Variants in ATP8A2 observed in about 807,000 individuals in gnomAD.
ATP8A2 encodes phospholipid-transporting ATPase IB.
A neutral mutation model predicts 165.6 loss-of-function variants in ATP8A2; 100 were observed. The ratio of observed to expected loss-of-function variants is 0.60; its 90% CI spans 0.51 to 0.71. The LOEUF (loss-of-function observed/expected upper bound fraction) is 0.71, where lower values mean the gene tolerates loss of function less well. ATP8A2 is among the 30% of genes least tolerant of loss of function. The pLI is 0.00. For synonymous variants in ATP8A2, 543 were observed against 548.8 expected (o/e 0.99, Z 0.15); for missense variants, 1,227 against 1,479.5 (o/e 0.83, Z 2.80).
At chr13:25,496,598 C>T (rs2137671586) in intron 2 of ATP8A2, among the ~76,000 whole-genome samples, 1 of 152,206 alleles carries the variant, frequency 6.6e-6, no homozygotes, top group South Asian at 2.1e-4. Context: ...ACATGATGAG[C>T]ATAGTGCCCA....
intron 1 of ATP8A2, among the ~76,000 whole-genome samples, chr13:25,463,275 A>G (rs1248817824): frequency 6.6e-6 from 1 of 152,002 alleles, no homozygotes; most frequent in African/African-American, 2.4e-5. Context: ...TTTCTGTGTT[A>G]CTTAAGGCAA....
At chr13:25,684,397 A>G (rs2042558889) in intron 24 of ATP8A2, among the ~76,000 whole-genome samples, 1 of 152,206 alleles carries the variant, frequency 6.6e-6, no homozygotes, top group Non-Finnish European at 1.5e-5. Flanking sequence ...GGAAGTGTTG[A>G]TCTCAAGACA....
intron 30 of ATP8A2, among the ~76,000 whole-genome samples, chr13:25,858,915 C>T (rs984415344): frequency 6.6e-6 from 1 of 152,018 alleles, no homozygotes; most frequent in Non-Finnish European, 1.5e-5. Context: ...AAAAACTACC[C>T]ATTGGGATGC....
chr13:25,536,768 A>T (rs1260103555), intron 6 of ATP8A2, among the ~76,000 whole-genome samples: 2 of 152,232 alleles, frequency 1.3e-5, no homozygotes, highest in Non-Finnish European at 1.5e-5. Flanking sequence ...ATCGTCAGAG[A>T]ATTCTAATGT....
chr13:25,543,196 G>T, intron 9 of ATP8A2, 95 bp from the exon 10 acceptor site: 1 of 721,916 alleles, frequency 1.4e-6, no homozygotes, highest in South Asian at 2.2e-5. Flanking sequence ...GGAGGAAAGG[G>T]AACATTTGAT....
intron 24 of ATP8A2, among the ~76,000 whole-genome samples, chr13:25,666,083 A>G (rs1243242609): frequency 1.3e-5 from 2 of 151,986 alleles, no homozygotes; most frequent in Non-Finnish European, 2.9e-5. Flanking sequence ...GTTTACTTTC[A>G]TGTATTCAAG....
At position 25,861,006 on chromosome 13, in the gene ATP8A2, A is replaced by G. The variant is rs1403544719; in HGVS notation, c.3075+146A>G. The G allele has an allele frequency of 1.7e-5, 11 of 652,908 alleles. No homozygotes were observed. The Middle Eastern group carries it at 1.0e-3, about 61-fold the overall frequency. 40.4% of individuals were successfully genotyped at this position (652,908 alleles called of 1,614,324 possible). ...TAAAAATTGTGGTTTGATCTTGATC[A>G]GGGTAAATTTGCAATCCAAAGTCTC... On this transcript the variant is annotated intron_variant, in intron 32 of 36. Transcript: ENST00000381655.
intron 2 of ATP8A2, among the ~76,000 whole-genome samples, chr13:25,488,977 A>G (rs2036436129): frequency 1.3e-5 from 2 of 149,612 alleles, no homozygotes; most frequent in South Asian, 4.2e-4. Flanking sequence ...ACAGAGTCAT[A>G]GTGCCCAGGA....
At chr13:25,633,306 T>C (rs1202980377) in intron 24 of ATP8A2, among the ~76,000 whole-genome samples, 2 of 152,192 alleles carry the variant, frequency 1.3e-5, no homozygotes, top group Non-Finnish European at 2.9e-5. Context: ...CTACATGCAG[T>C]GCTCGGCAGT....
chr13:25,942,963 A>G (rs1361936373), intron 33 of ATP8A2, among the ~76,000 whole-genome samples: 1 of 151,898 alleles, frequency 6.6e-6, no homozygotes, highest in Non-Finnish European at 1.5e-5. Context: ...TGGACAGGGC[A>G]TTTGCTAGAT....
chr13:25,703,873 G>T (rs979545411), intron 25 of ATP8A2, among the ~76,000 whole-genome samples: 1 of 152,078 alleles, frequency 6.6e-6, no homozygotes, highest in Non-Finnish European at 1.5e-5. Flanking sequence ...GGGGATAATT[G>T]TACAACATTG....
intron 1 of ATP8A2, among the ~76,000 whole-genome samples, chr13:25,421,870 G>C (rs1297440623): frequency 1.3e-5 from 2 of 152,132 alleles, no homozygotes; most frequent in Non-Finnish European, 2.9e-5. Flanking sequence ...ACTGATAAAG[G>C]CAACATCAGA....
At chr13:25,617,578 A>G (rs1335324019) in intron 24 of ATP8A2, among the ~76,000 whole-genome samples, 1 of 152,224 alleles carries the variant, frequency 6.6e-6, no homozygotes, top group Non-Finnish European at 1.5e-5. Flanking sequence ...TTCGGTACAG[A>G]AACAAGGACT....
intron 24 of ATP8A2, among the ~76,000 whole-genome samples, chr13:25,594,528 G>C (rs1179537596): frequency 6.6e-6 from 1 of 152,054 alleles, no homozygotes; most frequent in East Asian, 1.9e-4. Flanking sequence ...CCCATCACCC[G>C]AGCAGTATAC....
chr13:25,890,017 C>A (rs1284104445), intron 33 of ATP8A2, among the ~76,000 whole-genome samples: 1 of 151,976 alleles, frequency 6.6e-6, no homozygotes, highest in Non-Finnish European at 1.5e-5. Context: ...AAAAAATTAG[C>A]CAGGCGTGGT....
chr13:25,842,301 C>T (rs922532180), intron 30 of ATP8A2, among the ~76,000 whole-genome samples: 2 of 152,026 alleles, frequency 1.3e-5, no homozygotes, highest in Non-Finnish European at 2.9e-5. Context: ...GAAAACTGAG[C>T]AGCTGAAAGG....
intron 27 of ATP8A2, among the ~76,000 whole-genome samples, chr13:25,817,716 A>C (rs953899127): frequency 6.7e-6 from 1 of 149,412 alleles, no homozygotes; most frequent in Non-Finnish European, 1.5e-5. Flanking sequence ...TGTTTTTGAG[A>C]TATGATGTCA....
chr13:25,886,470 A>G (rs986732748), intron 33 of ATP8A2, among the ~76,000 whole-genome samples: 14 of 152,076 alleles, frequency 9.2e-5, no homozygotes, highest in African/African-American at 2.9e-4. Flanking sequence ...TGCCCTCCCT[A>G]TTTTTGTCGC....
chr13:25,807,519 C>G (rs970672709), intron 27 of ATP8A2, among the ~76,000 whole-genome samples: 1 of 152,128 alleles, frequency 6.6e-6, no homozygotes, highest in Non-Finnish European at 1.5e-5. Context: ...TTCCTGGACT[C>G]TCAGTTCTAT....
Sources: allele counts gnomAD v4.1 joint callset (sites outside exome capture counted in the v4.1 genomes callset), GRCh38; gene constraint gnomAD v4.1.1; transcripts MANE v1.5; gene names NCBI Gene and HGNC (gene_info 2026-07-23, HGNC 2026-07-21).